TTC39C: variants seen among roughly 807,000 people sequenced by gnomAD.
TTC39C encodes tetratricopeptide repeat protein 39C.
A neutral mutation model predicts 76.3 loss-of-function variants in TTC39C; 33 were observed. That is an observed-to-expected ratio of 0.43 (90% confidence interval 0.33 to 0.58). The LOEUF (loss-of-function observed/expected upper bound fraction) is 0.58. TTC39C is among the 20% of genes least tolerant of loss of function. TTC39C has a pLI of 0.04. For synonymous variants in TTC39C, 254 were observed against 260.6 expected (o/e 0.97, Z 0.24); for missense variants, 595 against 701.4 (o/e 0.85, Z 1.71).
At chr18:24,122,595 T>G (rs1157608587) in intron 8 of TTC39C, among the ~76,000 whole-genome samples, 2 of 150,212 alleles carry the variant, frequency 1.3e-5, no homozygotes, top group Non-Finnish European at 3.0e-5. Context: ...CTAACAAAAT[T>G]GAATAGAAAT....
chr18:24,022,508 G>T, intron 1 of TTC39C: 1 of 961,732 alleles, frequency 1.0e-6, no homozygotes, highest in Non-Finnish European at 1.2e-6. Flanking sequence ...CCAGAGTCTG[G>T]GTGTGACCAT....
chr18:24,098,541 CCCTCCCCTCT>C lies in TTC39C; in HGVS notation c.984+15465_984+15474del, dbSNP rs1250232540. Among the ~76,000 whole-genome samples the C allele has an allele frequency of 4.3e-4, 42 of 97,038 alleles. 1 individual carries two copies. Among genetic ancestry groups the C allele is most frequent in the African/African-American group, 1.2e-3 (28 of 23,910 alleles). The allele number at this position is 97,038 out of a possible 152,430, so 63.7% of individuals were successfully genotyped here. On this transcript the variant is annotated intron_variant, in intron 6 of 13. Coordinates refer to ENST00000317571, the MANE Select transcript of TTC39C (RefSeq NM_001135993.2). ...CCCTCCCGTCCCCTCCCCTCCCCTC[CCCTCCCCTCT>C]CCTCTCCTCTCCTCTCCCTTTCTTG...
chr18:24,029,048 A>C (rs1332829880), intron 1 of TTC39C, among the ~76,000 whole-genome samples: 1 of 151,790 alleles, frequency 6.6e-6, no homozygotes, highest in Non-Finnish European at 1.5e-5. Context: ...GATTGCCTAA[A>C]ATTAATTAGT....
chr18:24,125,404 CT>C (rs1568447061), intron 9 of TTC39C, 22 bp from the exon 10 acceptor site: 2 of 1,613,334 alleles, frequency 1.2e-6, no homozygotes, highest in Non-Finnish European at 1.7e-6. Flanking sequence ...AAAATGTAGC[CT>C]GTTTATTCTG....
chr18:24,076,856 T>A (rs150058495), intron 4 of TTC39C: 25 of 152,274 alleles, frequency 1.6e-4, no homozygotes, highest in African/African-American at 6.0e-4. Flanking sequence ...ACGGATTGAA[T>A]TCATTGTATT....
At position 24,112,801 on chromosome 18, in the gene TTC39C, T is replaced by G. The variant is rs111789186; in HGVS notation, c.985-1753T>G. On this transcript the variant is annotated intron_variant, in intron 6 of 13. Coordinates refer to ENST00000317571, the MANE Select transcript of TTC39C (RefSeq NM_001135993.2). ...GATGTTTGCAAAGCTGAACCCCTAA[T>G]GCTGTGATTTCTGTATAAATATGCT... Among the ~76,000 whole-genome samples, 231 of 152,306 alleles carry G rather than the reference T, an allele frequency of 1.5e-3. 3 individuals are homozygous for G. The highest frequency in any genetic ancestry group is 5.4e-3 in the African/African-American group (224 of 41,560).
chr18:24,006,161 TAC>T (rs2083350586), intron 1 of TTC39C, among the ~76,000 whole-genome samples: 1 of 151,934 alleles, frequency 6.6e-6, no homozygotes, highest in Non-Finnish European at 1.5e-5. Context: ...TACAGGTGTA[TAC>T]CATCACGTCC....
At chr18:24,011,816 C>T (rs993933587), upstream of TTC39C, among the ~76,000 whole-genome samples, 5 of 152,088 alleles carry the variant, frequency 3.3e-5, no homozygotes, top group Non-Finnish European at 7.3e-5. Flanking sequence ...CTTTTTTCCA[C>T]TCTCTCTGTC....
intron 6 of TTC39C, among the ~76,000 whole-genome samples, chr18:24,087,416 C>G (rs2084454761): frequency 6.6e-6 from 1 of 152,126 alleles, no homozygotes; most frequent in East Asian, 1.9e-4. Context: ...TCTGTAAATA[C>G]ATACTTTCAC....
intron 9 of TTC39C, 142 bp from the exon 10 acceptor site, chr18:24,125,281 TAGAG>T: frequency 9.3e-7 from 1 of 1,077,532 alleles, no homozygotes; most frequent in East Asian, 2.6e-5. Context: ...ACATTTTTTA[TAGAG>T]AGAAGAATTG....
intron 10 of TTC39C, among the ~76,000 whole-genome samples, chr18:24,128,605 C>T (rs1278552778): frequency 6.6e-6 from 1 of 152,024 alleles, no homozygotes; most frequent in Non-Finnish European, 1.5e-5. Context: ...CCTGTGTGTC[C>T]ATCCCCCACA....
At chr18:24,128,442 A>T (rs887217887) in intron 10 of TTC39C, among the ~76,000 whole-genome samples, 2 of 149,964 alleles carry the variant, frequency 1.3e-5, no homozygotes, top group Non-Finnish European at 3.0e-5. Context: ...ATATGTATAT[A>T]TAAAATAGTA....
chr18:24,087,692 C>T (rs574869407), intron 6 of TTC39C, among the ~76,000 whole-genome samples: 1 of 150,500 alleles, frequency 6.6e-6, no homozygotes, highest in Admixed American at 6.7e-5. Flanking sequence ...TCAAGTGATT[C>T]TCCTGTCTCA....
At chr18:24,020,048 G>C in intron 1 of TTC39C, 1 of 1,384,476 alleles carries the variant, frequency 7.2e-7, no homozygotes, top group Non-Finnish European at 9.3e-7. Context: ...TCACAGACAA[G>C]AATGTGTCTC....
chr18:24,064,916 A>G (rs941588845), intron 2 of TTC39C, among the ~76,000 whole-genome samples: 5 of 152,300 alleles, frequency 3.3e-5, no homozygotes, highest in Non-Finnish European at 5.9e-5. Flanking sequence ...CAAGGTATTT[A>G]TTTCCTCTTA....
At chr18:24,109,763 G>T (rs2084788672) in intron 6 of TTC39C, among the ~76,000 whole-genome samples, 1 of 152,122 alleles carries the variant, frequency 6.6e-6, no homozygotes, top group South Asian at 2.1e-4. Context: ...CCAGCACTTT[G>T]GGAGGCTGAG....
At chr18:24,106,031 C>G (rs1599330730) in intron 6 of TTC39C, among the ~76,000 whole-genome samples, 1 of 152,206 alleles carries the variant, frequency 6.6e-6, no homozygotes, top group Non-Finnish European at 1.5e-5. Context: ...TCCGCATCTG[C>G]ATTCTCCCTC....
At chr18:24,112,305 G>A (rs2084825293) in intron 6 of TTC39C, among the ~76,000 whole-genome samples, 1 of 152,152 alleles carries the variant, frequency 6.6e-6, no homozygotes, top group South Asian at 2.1e-4. Flanking sequence ...CAGGATCCTT[G>A]ACTTAATCAC....
chr18:24,099,198 A>G lies in TTC39C; in HGVS notation c.985-15356A>G, dbSNP rs1211537468. 9 of 151,912 alleles carry G rather than the reference A, an allele frequency of 5.9e-5. No individual in the cohort carries two copies. In the South Asian group the frequency reaches 1.5e-3, roughly 25 times the overall value. The allele number at this position is 151,912 out of a possible 1,614,324, so 9.4% of individuals were successfully genotyped here. ...AAAGAATACTATAGATTGGGTGACTAAAACAACACACTTTTATTTCTCACA... is the reference window on the plus strand; with the variant it reads ...AAAGAATACTATAGATTGGGTGACTGAAACAACACACTTTTATTTCTCACA... On this transcript the variant is annotated intron_variant, in intron 6 of 13. Coordinates refer to ENST00000317571, the MANE Select transcript of TTC39C (RefSeq NM_001135993.2).
Sources: allele counts gnomAD v4.1 joint callset (sites outside exome capture counted in the v4.1 genomes callset), GRCh38; gene constraint gnomAD v4.1.1; transcripts MANE v1.5; gene names NCBI Gene and HGNC (gene_info 2026-07-23, HGNC 2026-07-21).